Variants in FAXC observed in about 807,000 individuals in gnomAD.
The protein encoded by FAXC is failed axon connections homolog.
Under a neutral mutation model 41.9 loss-of-function variants are expected in FAXC, and 10 were observed. The observed-to-expected ratio is 0.24, with a 90% CI of 0.15 to 0.41. The LOEUF (loss-of-function observed/expected upper bound fraction) is 0.41, where lower values mean the gene tolerates loss of function less well. FAXC is among the 10% of genes least tolerant of loss of function. FAXC has a pLI of 1.00. For synonymous variants in FAXC, 183 were observed against 183.8 expected (o/e 1.00, Z 0.03); for missense variants, 399 against 510.9 (o/e 0.78, Z 2.11).
chr6:99,340,827 C>T (rs1457775122), intron 2 of FAXC, among the ~76,000 whole-genome samples: 2 of 151,938 alleles, frequency 1.3e-5, no homozygotes, highest in Non-Finnish European at 1.5e-5. Context: ...CACCACCACA[C>T]CTGGCTAATT....
chr6:99,327,998 C>T (rs545136951), intron 3 of FAXC, among the ~76,000 whole-genome samples: 1 of 152,284 alleles, frequency 6.6e-6, no homozygotes, highest in Admixed American at 6.5e-5. Flanking sequence ...AAAGAGCTTC[C>T]TAAACACAAA....
At chr6:99,323,716 G>T in intron 3 of FAXC, 49 bp from the exon 4 acceptor site, 1 of 1,395,418 alleles carries the variant, frequency 7.2e-7, no homozygotes, top group Non-Finnish European at 1.0e-6. Context: ...GTACATATCA[G>T]CTCCACAGGG....
At chr6:99,286,614 T>C (rs1237372949) in intron 5 of FAXC, among the ~76,000 whole-genome samples, 1 of 152,246 alleles carries the variant, frequency 6.6e-6, no homozygotes, top group Admixed American at 6.5e-5. Flanking sequence ...GTCTGTGGTT[T>C]TGATAGGACT....
chr6:99,308,669 CAATT>C (rs1006417663), intron 4 of FAXC, among the ~76,000 whole-genome samples: 2 of 148,046 alleles, frequency 1.4e-5, no homozygotes, highest in Admixed American at 6.7e-5. Context: ...CTTTCCAACA[CAATT>C]AAACATTATG....
chr6:99,288,335 C>G (rs1359540917), intron 5 of FAXC, among the ~76,000 whole-genome samples: 4 of 151,986 alleles, frequency 2.6e-5, no homozygotes, highest in East Asian at 3.9e-4. Context: ...TATATCTGTA[C>G]AAGTGAGTGT....
chr6:99,296,792 G>T (rs2128451828), intron 4 of FAXC, among the ~76,000 whole-genome samples: 1 of 152,326 alleles, frequency 6.6e-6, no homozygotes, highest in Admixed American at 6.5e-5. Context: ...GGAGCCAAGT[G>T]GATCTGGAGA....
intron 5 of FAXC, among the ~76,000 whole-genome samples, chr6:99,285,751 CT>C (rs1771007697): frequency 6.6e-6 from 1 of 152,180 alleles, no homozygotes; most frequent in African/African-American, 2.4e-5. Flanking sequence ...GAATGCCCCC[CT>C]ACCCAGAAGA....
chr6:99,286,929 TA>T (rs577240297), intron 5 of FAXC, among the ~76,000 whole-genome samples: 61 of 152,352 alleles, frequency 4.0e-4, no homozygotes, highest in Non-Finnish European at 8.2e-4. Flanking sequence ...ATAAATTGTA[TA>T]ATCTTTCTAG....
chr6:99,328,596 T>C (rs1772910257), intron 3 of FAXC, among the ~76,000 whole-genome samples: 1 of 152,242 alleles, frequency 6.6e-6, no homozygotes, highest in South Asian at 2.1e-4. Flanking sequence ...TCTAAACTTG[T>C]GCAGATGTTG....
chr6:99,330,888 A>G (rs1773003829), intron 3 of FAXC, among the ~76,000 whole-genome samples: 1 of 152,178 alleles, frequency 6.6e-6, no homozygotes, highest in Admixed American at 6.5e-5. Flanking sequence ...AGAGCAGAGG[A>G]TGGGAGGTGC....
chr6:99,296,651 C>T (rs1771510107), intron 4 of FAXC, among the ~76,000 whole-genome samples: 1 of 152,150 alleles, frequency 6.6e-6, no homozygotes, highest in Non-Finnish European at 1.5e-5. Flanking sequence ...GAGTCCACAT[C>T]CTGATAGTAG....
chr6:99,305,761 A>C (rs1198083013), intron 4 of FAXC, among the ~76,000 whole-genome samples: 1 of 150,784 alleles, frequency 6.6e-6, no homozygotes, highest in Non-Finnish European at 1.5e-5. Flanking sequence ...ATTATACATA[A>C]GGGTATATAT....
intron 1 of FAXC, among the ~76,000 whole-genome samples, chr6:99,343,580 T>C (rs1449459322): frequency 6.6e-6 from 1 of 152,200 alleles, no homozygotes; most frequent in East Asian, 1.9e-4. Context: ...GTCACATTGC[T>C]AGTTATGGCA....
intron 4 of FAXC, among the ~76,000 whole-genome samples, chr6:99,302,336 A>G (rs976538830): frequency 6.6e-6 from 1 of 152,190 alleles, no homozygotes; most frequent in Non-Finnish European, 1.5e-5. Flanking sequence ...GGTCATCCCA[A>G]TGCTTCTGCC....
At chr6:99,328,684 G>A (rs1177288261) in intron 3 of FAXC, among the ~76,000 whole-genome samples, 3 of 152,190 alleles carry the variant, frequency 2.0e-5, no homozygotes, top group African/African-American at 2.4e-5. Context: ...CTTGGATTCC[G>A]TTTTGACAAT....
At chr6:99,347,775 T>C (rs1305617446) in intron 1 of FAXC, among the ~76,000 whole-genome samples, 4 of 152,250 alleles carry the variant, frequency 2.6e-5, no homozygotes, top group Admixed American at 2.6e-4. Context: ...TTTAGTTCTT[T>C]AGGTAGCTTG....
chr6:99,349,857 C>A (rs140921026), upstream of FAXC, among the ~76,000 whole-genome samples: 138 of 152,130 alleles, frequency 9.1e-4, no homozygotes, highest in Non-Finnish European at 1.5e-3. Context: ...CCGCTCGCCG[C>A]GCGCGGGCAA....
chr6:99,284,119 A>G (rs1770929218), intron 5 of FAXC: 1 of 152,226 alleles, frequency 6.6e-6, no homozygotes, highest in Non-Finnish European at 1.5e-5. Context: ...TTGAATTCAT[A>G]TTAACCTCGT....
Position 99,278,880 on chromosome 6 carries a change from C to A in FAXC, c.*2284G>T, listed in dbSNP as rs1197478283. ...ATTCCAAGTAATATAAAATTAAAAA[C>A]ATATATTAATCTACATTCTCATAAC... On this transcript the variant is annotated 3_prime_UTR_variant, in exon 6 of 6. Coordinates refer to ENST00000389677, the MANE Select transcript of FAXC (RefSeq NM_032511.4). The A allele has an allele frequency of 6.6e-6, 1 of 152,198 alleles. No homozygotes were observed. Among genetic ancestry groups the A allele is most frequent in the African/African-American group, 2.4e-5 (1 of 41,450 alleles). The allele number at this position is 152,198 out of a possible 1,614,324, so 9.4% of individuals were successfully genotyped here. A position where few individuals can be genotyped will look rare whatever the true frequency, so the allele number is the denominator to read the frequency against.
Sources: allele counts gnomAD v4.1 joint callset (sites outside exome capture counted in the v4.1 genomes callset), GRCh38; gene constraint gnomAD v4.1.1; transcripts MANE v1.5; gene names NCBI Gene and HGNC (gene_info 2026-07-23, HGNC 2026-07-21).